MRPL13: variants seen among roughly 807,000 people sequenced by gnomAD.
MRPL13 encodes large ribosomal subunit protein uL13m.
A neutral mutation model predicts 29.0 loss-of-function variants in MRPL13; 33 were observed. The ratio of observed to expected loss-of-function variants is 1.14; its 90% CI spans 0.86 to 1.52. The LOEUF is 1.52. Among genes scored for constraint, MRPL13 ranks in the 40% most tolerant of loss-of-function variants. The pLI is 0.00. For synonymous variants in MRPL13, 77 were observed against 68.4 expected, an observed-to-expected ratio of 1.13 and a Z score of -0.62; for missense variants, 227 against 216.7, an observed-to-expected ratio of 1.05 and a Z score of -0.30.
At chr8:120,439,435 C>G (rs13261783) in intron 2 of MRPL13, among the ~76,000 whole-genome samples, 2,668 of 152,218 alleles carry the variant, frequency 0.018, 40 homozygotes, top group Non-Finnish European at 0.024. Context: ...TATCTTTAAA[C>G]AGAAACACAC....
chr8:120,399,066 T>C (rs906346696), intron 6 of MRPL13, among the ~76,000 whole-genome samples: 8 of 151,990 alleles, frequency 5.3e-5, no homozygotes, highest in African/African-American at 1.9e-4. Context: ...TTGGAAAACA[T>C]ACTTCAAGAT....
At chr8:120,423,095 A>G (rs1036184035) in intron 4 of MRPL13, among the ~76,000 whole-genome samples, 1 of 152,072 alleles carries the variant, frequency 6.6e-6, no homozygotes, top group African/African-American at 2.4e-5. Context: ...ACAAATTTGT[A>G]AAAGAACCAA....
At chr8:120,438,259 G>T (rs1479400561) in intron 2 of MRPL13, among the ~76,000 whole-genome samples, 1 of 152,132 alleles carries the variant, frequency 6.6e-6, no homozygotes, top group African/African-American at 2.4e-5. Context: ...AGCTACCTGG[G>T]AGGCTCAGAA....
intron 6 of MRPL13, among the ~76,000 whole-genome samples, chr8:120,404,153 A>G (rs1812638163): frequency 6.6e-6 from 1 of 152,214 alleles, no homozygotes; most frequent in African/African-American, 2.4e-5. Flanking sequence ...ACATTTTAAG[A>G]AACAATTTAT....
chr8:120,396,023 T>C lies in MRPL13; in HGVS notation c.*81A>G, dbSNP rs1312685944. On this transcript the variant is annotated 3_prime_UTR_variant, in exon 7 of 7. Transcript: ENST00000306185. ...AGGTGCTGAACTGTAGCAGTTGTTT[T>C]ACTCCATCCTGTAGGTTAGAGAAAC... 2 of 1,227,088 alleles carry C rather than the reference T, an allele frequency of 1.6e-6. No individual in the cohort carries two copies. Among genetic ancestry groups the C allele is most frequent in the Non-Finnish European group, 2.3e-6 (2 of 860,216 alleles). 76.0% of individuals were successfully genotyped at this position (1,227,088 alleles called of 1,614,324 possible).
At chr8:120,440,490 G>A (rs371434802) in intron 2 of MRPL13, among the ~76,000 whole-genome samples, 1 of 151,708 alleles carries the variant, frequency 6.6e-6, no homozygotes, top group Admixed American at 6.6e-5. Context: ...CTGTAATCCC[G>A]GCTTCTCGGG....
At chr8:120,406,106 A>G (rs1013144074) in intron 6 of MRPL13, among the ~76,000 whole-genome samples, 1 of 152,190 alleles carries the variant, frequency 6.6e-6, no homozygotes, top group Non-Finnish European at 1.5e-5. Flanking sequence ...ATCACAGGAA[A>G]TCTTTAGAGG....
At chr8:120,431,726 C>G (rs1812998786) in intron 3 of MRPL13, among the ~76,000 whole-genome samples, 1 of 152,150 alleles carries the variant, frequency 6.6e-6, no homozygotes, top group East Asian at 1.9e-4. Context: ...GTTCTGAAAA[C>G]AGCAGTAAGA....
Position 120,437,111 on chromosome 8 carries a change from G to C in MRPL13, c.152-4988C>G, listed in dbSNP as rs560267941. Among the ~76,000 whole-genome samples the C allele has an allele frequency of 2.6e-5, 4 of 152,238 alleles. No individual in the cohort carries two copies. The East Asian group carries it at 5.8e-4, about 22-fold the overall frequency. ...AAAAATCTCCTTCAGTGCTTTGTAG[G>C]ATGATATTCTAGGAGTGAGGTGAAG... On this transcript the variant is annotated intron_variant, in intron 2 of 6. Coordinates refer to ENST00000306185, the MANE Select transcript of MRPL13 (RefSeq NM_014078.6).
At chr8:120,436,197 A>G (rs1343135788) in intron 2 of MRPL13, among the ~76,000 whole-genome samples, 3 of 152,134 alleles carry the variant, frequency 2.0e-5, no homozygotes, top group Admixed American at 6.6e-5. Flanking sequence ...AATGTCCAAG[A>G]GAAATGAAAC....
At chr8:120,411,288 G>C (rs920634671) in intron 6 of MRPL13, among the ~76,000 whole-genome samples, 6 of 152,102 alleles carry the variant, frequency 3.9e-5, no homozygotes, top group African/African-American at 1.4e-4. Flanking sequence ...GGCCGGTCTT[G>C]AACTCCTGAA....
At chr8:120,435,476 T>C (rs1813043812) in intron 2 of MRPL13, among the ~76,000 whole-genome samples, 1 of 152,122 alleles carries the variant, frequency 6.6e-6, no homozygotes, top group African/African-American at 2.4e-5. Flanking sequence ...TTTCTGTTCC[T>C]GTGTTAGTTT....
intron 6 of MRPL13, among the ~76,000 whole-genome samples, chr8:120,396,948 C>T (rs1245285279): frequency 1.3e-5 from 2 of 152,200 alleles, no homozygotes; most frequent in African/African-American, 4.8e-5. Flanking sequence ...TCAGCACCTT[C>T]AACTGAAATA....
chr8:120,437,579 G>A (rs984361635), intron 2 of MRPL13, among the ~76,000 whole-genome samples: 69 of 152,134 alleles, frequency 4.5e-4, no homozygotes, highest in African/African-American at 1.6e-3. Context: ...TGATTTATCA[G>A]AAACACGTTC....
At chr8:120,414,244 A>G in intron 5 of MRPL13, 132 bp from the exon 6 acceptor site, 1 of 746,022 alleles carries the variant, frequency 1.3e-6, no homozygotes, top group South Asian at 4.8e-5. Flanking sequence ...AAAATCTTTA[A>G]AATAAAAACC....
chr8:120,398,630 C>T (rs1007976472), intron 6 of MRPL13, among the ~76,000 whole-genome samples: 14 of 152,126 alleles, frequency 9.2e-5, no homozygotes, highest in African/African-American at 3.4e-4. Flanking sequence ...CCAGCAAGGG[C>T]ACAGAACTGG....
intron 5 of MRPL13, 199 bp from the exon 6 acceptor site, chr8:120,414,311 T>G: frequency 5.7e-6 from 2 of 352,460 alleles, no homozygotes; most frequent in Non-Finnish European, 4.8e-6. Context: ...CCCATTATAA[T>G]AAGATACCTA....
chr8:120,434,711 C>T (rs917537254), intron 2 of MRPL13, among the ~76,000 whole-genome samples: 4 of 152,044 alleles, frequency 2.6e-5, no homozygotes, highest in Admixed American at 1.3e-4. Context: ...CCCCATGTAC[C>T]AGCTCCTTGA....
intron 2 of MRPL13, among the ~76,000 whole-genome samples, chr8:120,434,086 A>C (rs1178421434): frequency 6.6e-6 from 1 of 152,074 alleles, no homozygotes; most frequent in East Asian, 1.9e-4. Flanking sequence ...AAATGGCCAA[A>C]TAAATTCAAA....
Sources: gnomAD v4.1 joint callset for allele counts (sites outside exome capture counted in the v4.1 genomes callset) on GRCh38, gnomAD v4.1.1 for gene constraint, MANE v1.5 for transcripts, NCBI Gene and HGNC (gene_info 2026-07-23, HGNC 2026-07-21) for gene names.